GLIS1: variants seen among roughly 807,000 people sequenced by gnomAD.
GLIS1 encodes the protein zinc finger protein GLIS1.
A neutral mutation model predicts 63.8 loss-of-function variants in GLIS1; 24 were observed. That is an observed-to-expected ratio of 0.38 (90% CI 0.27 to 0.53). GLIS1 has a LOEUF of 0.53. GLIS1 is among the 20% of genes least tolerant of loss of function. The pLI, the probability that GLIS1 is intolerant of heterozygous loss-of-function variation, is 0.85. For missense variants in GLIS1, 1,036 were observed against 1,074.1 expected (o/e 0.96, Z 0.50); for synonymous variants, 450 against 482.5 (o/e 0.93, Z 0.88).
chr1:53,619,613 T>A (rs754911858), intron 2 of GLIS1, among the ~76,000 whole-genome samples: 1 of 152,240 alleles, frequency 6.6e-6, no homozygotes, highest in African/African-American at 2.4e-5. Flanking sequence ...GGAGACATAC[T>A]TGGGGTTCAT....
chr1:53,595,870 G>A (rs1001930054), intron 3 of GLIS1, among the ~76,000 whole-genome samples: 10 of 152,208 alleles, frequency 6.6e-5, no homozygotes, highest in African/African-American at 2.4e-4. Flanking sequence ...CTGAGGAAAA[G>A]CTTCTGAGGG....
intron 4 of GLIS1, among the ~76,000 whole-genome samples, chr1:53,554,829 C>A (rs1445812782): frequency 6.6e-6 from 1 of 152,344 alleles, no homozygotes; most frequent in Non-Finnish European, 1.5e-5. Context: ...CCTCGACACA[C>A]CCCCTGTCCC....
intron 4 of GLIS1, among the ~76,000 whole-genome samples, chr1:53,534,786 G>A (rs1220021368): frequency 6.6e-6 from 1 of 151,968 alleles, no homozygotes; most frequent in African/African-American, 2.4e-5. Context: ...TCACTCAGCT[G>A]CCCCTCTGTG....
intron 2 of GLIS1, among the ~76,000 whole-genome samples, chr1:53,709,385 CATATATATACATATACATAT>C (rs1557534389): frequency 3.2e-4 from 14 of 43,928 alleles, no homozygotes; most frequent in African/African-American, 9.8e-4. Context: ...TACATATATA[CATATATATACATATACATAT>C]ATATATACAC....
chr1:53,707,124 C>T (rs1194114049), intron 2 of GLIS1, among the ~76,000 whole-genome samples: 1 of 152,150 alleles, frequency 6.6e-6, no homozygotes, highest in African/African-American at 2.4e-5. Context: ...TCATCCCTTC[C>T]AGTCCCCTTC....
chr1:53,528,868 C>T (rs994003818), intron 5 of GLIS1, among the ~76,000 whole-genome samples: 3 of 152,092 alleles, frequency 2.0e-5, no homozygotes, highest in Admixed American at 1.3e-4. Flanking sequence ...GCCTGGGGCC[C>T]GGACATGGCT....
Position 53,600,158 on chromosome 1 carries a change from G to T in GLIS1, c.380C>A (p.Pro127Gln), listed in dbSNP as rs12723875. The change falls in exon 3 of 11, where the codon CCG becomes CAG. Residue 127 changes from proline to glutamine, a missense_variant. Transcript: ENST00000628545. Reference protein sequence around the residue: ...QGLFLPAGSPPPRAHPQACER... With the variant: ...QGLFLPAGSPQPRAHPQACER... ...ACAAGCTTGGGGGTGAGCCCGGGGC[G>T]GTGGGCTTCCTGCAGGGAGAAACAG... 1,162,695 of 1,231,502 alleles carry T rather than the reference G, an allele frequency of 0.94. 561,126 individuals carry two copies. Among genetic ancestry groups the T allele is most frequent in the Non-Finnish European group, 0.99 (977,400 of 987,520 alleles). The allele number at this position is 1,231,502 out of a possible 1,614,324, so 76.3% of individuals were successfully genotyped here.
intron 2 of GLIS1, among the ~76,000 whole-genome samples, chr1:53,664,089 G>A (rs1177865730): frequency 2.6e-4 from 39 of 152,222 alleles, no homozygotes; most frequent in Admixed American, 2.5e-3. Context: ...GCCCTAGCCA[G>A]CTAGAATCGA....
chr1:53,678,196 C>T (rs1203904163), intron 2 of GLIS1, among the ~76,000 whole-genome samples: 5 of 152,114 alleles, frequency 3.3e-5, no homozygotes, highest in Admixed American at 2.0e-4. Context: ...CCCTGAGGTG[C>T]CTGCCACCCT....
rs1238929374 is a variant in GLIS1, at chr1:53,511,182, A to G, written c.1884-1155T>C. Reference sequence around the variant, plus strand: ...ACATGGCAGAAAGAGGGAGATAGTGAGAGCTCGGAGTCCCCATTTTCTTGT... The same window carrying G: ...ACATGGCAGAAAGAGGGAGATAGTGGGAGCTCGGAGTCCCCATTTTCTTGT... On this transcript the variant is annotated intron_variant, in intron 8 of 10. Coordinates refer to ENST00000628545, the MANE Select transcript of GLIS1 (RefSeq NM_001367484.1). The surrounding 1 kb of genome is among the most constrained non-coding windows in gnomAD (Gnocchi z 4.2). Among the ~76,000 whole-genome samples, 1 of 152,168 alleles carries G rather than the reference A, an allele frequency of 6.6e-6. No homozygotes were observed. The highest frequency in any genetic ancestry group is 1.5e-5 in the Non-Finnish European group (1 of 68,026).
intron 2 of GLIS1, among the ~76,000 whole-genome samples, chr1:53,657,318 A>G (rs1354559379): frequency 1.3e-5 from 2 of 152,212 alleles, no homozygotes; most frequent in East Asian, 3.8e-4. Context: ...CAGCACCTGT[A>G]TATTCCACCA....
intron 10 of GLIS1, among the ~76,000 whole-genome samples, chr1:53,507,768 G>A (rs563554953): frequency 7.2e-5 from 11 of 152,124 alleles, no homozygotes; most frequent in Non-Finnish European, 7.4e-5. Context: ...GTGTAGGGCC[G>A]GGGTGGGGTG....
At position 53,511,937 on chromosome 1, in the gene GLIS1, C is replaced by A. The variant is rs549388084; in HGVS notation, c.1884-1910G>T. On this transcript the variant is annotated intron_variant, in intron 8 of 10. Transcript: ENST00000628545. This position sits in a 1 kb window ranked among gnomAD's most constrained non-coding sequence, Gnocchi z 4.2. Reference sequence around the variant, plus strand: ...CTTGGCCCTTCTCGGTCACCCGGTGCCCAGCGCTGGGCATGGCACACAGTG... The same window carrying A: ...CTTGGCCCTTCTCGGTCACCCGGTGACCAGCGCTGGGCATGGCACACAGTG... Among the ~76,000 whole-genome samples, 3 of 152,240 alleles carry A rather than the reference C, an allele frequency of 2.0e-5. No individual in the cohort carries two copies. Among genetic ancestry groups the A allele is most frequent in the Non-Finnish European group, 2.9e-5 (2 of 68,040 alleles).
intron 1 of GLIS1, 75 bp from the exon 2 acceptor site, chr1:53,738,181 C>G: frequency 1.2e-6 from 1 of 863,474 alleles, no homozygotes; most frequent in Non-Finnish European, 1.5e-6. Context: ...CGAGTTTGAG[C>G]AGGTCACTGC....
intron 4 of GLIS1, among the ~76,000 whole-genome samples, chr1:53,542,740 C>T (rs1035934183): frequency 1.2e-4 from 18 of 152,200 alleles, no homozygotes; most frequent in South Asian, 4.1e-4. Flanking sequence ...CCTGGGGCTA[C>T]GCCCTGGGGG....
intron 4 of GLIS1, among the ~76,000 whole-genome samples, chr1:53,541,150 C>T (rs1644639088): frequency 6.6e-6 from 1 of 152,192 alleles, no homozygotes; most frequent in Admixed American, 6.5e-5. Context: ...GAGGACTCTG[C>T]TTAGTAGCAG....
At chr1:53,562,272 T>G (rs550832221) in intron 4 of GLIS1, among the ~76,000 whole-genome samples, 1 of 152,186 alleles carries the variant, frequency 6.6e-6, no homozygotes, top group East Asian at 1.9e-4. Context: ...TGCACGATCA[T>G]GGAGAAAGGT....
At chr1:53,555,303 G>C in intron 4 of GLIS1, among the ~76,000 whole-genome samples, 1 of 152,170 alleles carries the variant, frequency 6.6e-6, no homozygotes, top group East Asian at 1.9e-4. Flanking sequence ...GGCCGAGGCG[G>C]GCGGATCACG....
chr1:53,592,559 G>A (rs945763721), intron 4 of GLIS1, among the ~76,000 whole-genome samples: 14 of 152,194 alleles, frequency 9.2e-5, no homozygotes, highest in African/African-American at 2.9e-4. Flanking sequence ...TGGCCTGCGC[G>A]CTGTCTATTG....
Sources: gnomAD v4.1 joint callset for allele counts (sites outside exome capture counted in the v4.1 genomes callset) on GRCh38, gnomAD v4.1.1 for gene constraint, Gnocchi (gnomAD v3.1) non-coding constraint, MANE v1.5 for transcripts, NCBI Gene and HGNC (gene_info 2026-07-23, HGNC 2026-07-21) for gene names.